Variants in GP6 observed in about 807,000 individuals in gnomAD.
The protein encoded by GP6 is platelet glycoprotein VI.
In GP6, 45 loss-of-function variants were observed where a neutral mutation model predicts 37.3. The ratio of observed to expected loss-of-function variants is 1.21; its 90% CI spans 0.95 to 1.55. The LOEUF (loss-of-function observed/expected upper bound fraction) is 1.55. Ranked by LOEUF, GP6 falls within the 40% of genes most tolerant of loss-of-function variation. The pLI, the probability that GP6 is intolerant of heterozygous loss-of-function variation, is 0.00. For missense variants in GP6, 813 were observed against 760.2 expected (o/e 1.07, Z -0.82); for synonymous variants, 340 against 316.4 (o/e 1.07, Z -0.79).
intron 3 of GP6, among the ~76,000 whole-genome samples, 189 bp from the exon 4 acceptor site, chr19:55,028,051 G>C (rs909226686): frequency 2.0e-5 from 3 of 152,202 alleles, no homozygotes; most frequent in Non-Finnish European, 4.4e-5. Context: ...CTGTGCTCAC[G>C]TCCTAGTGCT....
intron 1 of GP6, among the ~76,000 whole-genome samples, chr19:55,035,856 C>T (rs774141908): frequency 2.0e-5 from 3 of 151,596 alleles, no homozygotes; most frequent in Non-Finnish European, 1.5e-5. Flanking sequence ...GGGTGGATCA[C>T]GAGGTCAAGA....
intron 4 of GP6, among the ~76,000 whole-genome samples, chr19:55,026,532 T>A (rs554193580): frequency 7.9e-4 from 120 of 152,340 alleles, no homozygotes; most frequent in Non-Finnish European, 1.4e-3. Flanking sequence ...TGCATAATAT[T>A]CCATTGCATG....
chr19:55,025,165 G>A (rs1176283071), intron 5 of GP6, 53 bp downstream of exon 5: 2 of 887,252 alleles, frequency 2.3e-6, no homozygotes, highest in Non-Finnish European at 3.7e-6. Flanking sequence ...AGAGAGAGAA[G>A]GGGTCCGTGT....
chr19:55,027,644 T>G lies in GP6; in HGVS notation c.544A>C (p.Ser182Arg). 6.2e-7 allele frequency: 1 copy of G among 1,613,444 alleles called. No individual in the cohort carries two copies. Among genetic ancestry groups the G allele is most frequent in the Non-Finnish European group, 8.5e-7 (1 of 1,179,358 alleles). ...AGGTATGGGTCCCTGCTGGAGAAGC[T>G]GTAGCATCGGTAGGTTCCGCTGTGG... The change falls in exon 4 of 8, where the codon AGC (serine) becomes CGC (arginine). Residue 182 changes from serine (S) to arginine (R), a missense_variant. Physicochemically the swap from Ser to Arg is moderately radical, Grantham distance 110. Coordinates refer to ENST00000310373, the MANE Select transcript of GP6 (RefSeq NM_001083899.2).
rs774398889 is a variant in GP6, at chr19:55,014,820, C to G, written c.1125G>C (p.Arg375Ser). The G allele has an allele frequency of 1.2e-6, 2 of 1,614,022 alleles. No individual in the cohort carries two copies. The highest frequency in any genetic ancestry group is 1.7e-6 in the Non-Finnish European group (2 of 1,179,948). ...CATGGCCTCGTTTCCACAGCTGTAGCCTCTGCCCTCCTGCTTCCACGCTCC... is the reference window on the plus strand; with the variant it reads ...CATGGCCTCGTTTCCACAGCTGTAGGCTCTGCCCTCCTGCTTCCACGCTCC... Residue 375 changes from arginine (R) to serine (S), a missense_variant, in exon 8 of 8, where the codon AGG becomes AGC. Coordinates refer to ENST00000310373, the MANE Select transcript of GP6 (RefSeq NM_001083899.2).
At position 55,015,045 on chromosome 19, in the gene GP6, C is replaced by G. The variant is rs781050416; in HGVS notation, c.900G>C (p.Ala300=). The change falls in exon 8 of 8, where the codon GCG becomes GCC. Residue 300 remains alanine (A), a synonymous_variant. Coordinates refer to ENST00000310373, the MANE Select transcript of GP6 (RefSeq NM_001083899.2). ...CCTCTGCACAGCCCTGCCCCTGTGC[C>G]GCAGGCGCTTCCTCCGGCTGTGCCA... 5 of 1,608,988 alleles carry G rather than the reference C, an allele frequency of 3.1e-6. No homozygotes were observed. The East Asian group carries it at 9.0e-5, about 29-fold the overall frequency.
In GP6 at chr19:55,028,051, G is replaced by A. The variant is rs909226686; in HGVS notation, c.326-189C>T. 2.0e-5 allele frequency among the ~76,000 whole-genome samples: 3 copies of A among 152,202 alleles called. No individual in the cohort carries two copies. In the East Asian group the frequency reaches 5.8e-4, roughly 29 times the overall value. ...GGTTGAGGAAGGAGGCTGTGCTCAC[G>A]TCCTAGTGCTTGGGTGCAAATCCTA... On this transcript the variant is annotated intron_variant, in intron 3 of 7. Transcript: ENST00000310373.
rs764192104 is a variant in GP6 at position 55,018,683 on chromosome 19, G to A, written c.693C>T (p.Thr231=). 2.6e-5 allele frequency: 42 copies of A among 1,608,342 alleles called. No homozygotes were observed. Among genetic ancestry groups the A allele is most frequent in the Non-Finnish European group, 3.0e-5 (35 of 1,174,826 alleles). The change falls in exon 6 of 8, where the codon ACC becomes ACT. Residue 231 remains threonine, a synonymous_variant. Coordinates refer to ENST00000310373, the MANE Select transcript of GP6 (RefSeq NM_001083899.2). ...TGAAGACTTCGTTTGTGAATGAGAC[G>A]GTCAGTTCAGCGGTGGCTTCTGAGA... is the stretch of plus-strand genomic sequence containing the variant.
chr19:55,035,577 C>T (rs542870355), intron 1 of GP6, among the ~76,000 whole-genome samples: 57 of 151,902 alleles, frequency 3.8e-4, no homozygotes, highest in African/African-American at 1.4e-3. Flanking sequence ...ATTAGCGGGG[C>T]GTAGTGGCAG....
chr19:55,034,416 C>T (rs1254792107), intron 1 of GP6, among the ~76,000 whole-genome samples: 1 of 151,976 alleles, frequency 6.6e-6, no homozygotes, highest in Admixed American at 6.6e-5. Flanking sequence ...ATTAGCTGGG[C>T]ATGGTGGCAC....
Position 55,018,684 on chromosome 19 carries a change from G to A in GP6, c.692C>T (p.Thr231Ile). Residue 231 changes from threonine (T) to isoleucine (I), a missense_variant, in exon 6 of 8, where the codon ACC becomes ATC. Transcript: ENST00000310373. ...GAAGACTTCGTTTGTGAATGAGACG[G>A]TCAGTTCAGCGGTGGCTTCTGAGAA... 6.2e-7 allele frequency: 1 copy of A among 1,609,008 alleles called. No homozygotes were observed. The highest frequency in any genetic ancestry group is 1.1e-5 in the South Asian group (1 of 90,998).
chr19:55,033,838 T>G (rs886697064), intron 1 of GP6, among the ~76,000 whole-genome samples: 4 of 152,264 alleles, frequency 2.6e-5, no homozygotes, highest in Admixed American at 6.5e-5. Flanking sequence ...TCAGGACGTC[T>G]CAGCATGTGC....
At chr19:55,019,331 G>A (rs929794959) in intron 5 of GP6, among the ~76,000 whole-genome samples, 2 of 151,722 alleles carry the variant, frequency 1.3e-5, no homozygotes, top group African/African-American at 4.8e-5. Context: ...GGATGGTCTC[G>A]ATCTCCTGAC....
chr19:55,023,249 T>TG (rs1294431090), intron 5 of GP6, among the ~76,000 whole-genome samples: 1 of 152,150 alleles, frequency 6.6e-6, no homozygotes, highest in Non-Finnish European at 1.5e-5. Flanking sequence ...AAACAAGCAA[T>TG]GGGGAAAGGA....
chr19:55,020,094 T>G (rs1662139790), intron 5 of GP6, among the ~76,000 whole-genome samples: 1 of 151,860 alleles, frequency 6.6e-6, no homozygotes, highest in South Asian at 2.1e-4. Context: ...CTTTTTATGG[T>G]GGAACCAGCT....
At chr19:55,023,573 T>G (rs769339306) in intron 5 of GP6, among the ~76,000 whole-genome samples, 6 of 152,212 alleles carry the variant, frequency 3.9e-5, no homozygotes, top group African/African-American at 7.2e-5. Flanking sequence ...ACCCCCTCTT[T>G]GCCTTCTGCC....
intron 3 of GP6, 86 bp from the exon 4 acceptor site, chr19:55,027,948 T>C: frequency 1.4e-6 from 2 of 1,394,672 alleles, no homozygotes; most frequent in Non-Finnish European, 2.0e-6. Flanking sequence ...GCCTAAGAGC[T>C]GGGGAGCTTT....
At chr19:55,032,473 C>CCT in intron 2 of GP6, 33 bp downstream of exon 2, 1 of 1,613,646 alleles carries the variant, frequency 6.2e-7, no homozygotes, top group Non-Finnish European at 8.5e-7. Context: ...TGGCGGATCC[C>CCT]GCAGGAGGGA....
intron 5 of GP6, among the ~76,000 whole-genome samples, chr19:55,024,311 T>TGCACACAC (rs1568612944): frequency 2.5e-5 from 3 of 120,558 alleles, no homozygotes; most frequent in African/African-American, 9.9e-5. Flanking sequence ...CACACACATA[T>TGCACACAC]GCACGCACAC....
Sources: gnomAD v4.1 joint callset for allele counts (sites outside exome capture counted in the v4.1 genomes callset) on GRCh38, gnomAD v4.1.1 for gene constraint, MANE v1.5 for transcripts, NCBI Gene and HGNC (gene_info 2026-07-23, HGNC 2026-07-21) for gene names.